PLB1: variants seen among roughly 807,000 people sequenced by gnomAD.
PLB1 encodes phospholipase B1, membrane-associated.
In PLB1, 242 loss-of-function variants were observed where a neutral mutation model predicts 227.4. The ratio of observed to expected loss-of-function variants is 1.06; its 90% confidence interval spans 0.96 to 1.18. The LOEUF is 1.18. PLB1 is among the 50% of genes most tolerant of loss of function. The pLI, the probability that PLB1 is intolerant of heterozygous loss-of-function variation, is 0.00. For missense variants in PLB1, 1,858 were observed against 1,816.3 expected (o/e 1.02, Z -0.42); for synonymous variants, 757 against 682.2 (o/e 1.11, Z -1.71).
At chr2:28,509,636 T>C (rs1273121744) in intron 1 of PLB1, among the ~76,000 whole-genome samples, 1 of 152,206 alleles carries the variant, frequency 6.6e-6, no homozygotes, top group African/African-American at 2.4e-5. Context: ...GTTTTTTTTC[T>C]TGCATTCCCA....
At position 28,525,164 on chromosome 2, in the gene PLB1, C is replaced by CT. The variant is rs570208763; in HGVS notation, c.244-101dup. ...CCAAGCCTGGGCTTGTAGGTTCCCT[C>CT]TTACTGGCAGGAGGGGGAGTTCTGA... On this transcript the variant is annotated intron_variant, in intron 4 of 57. Coordinates refer to ENST00000327757, the MANE Select transcript of PLB1 (RefSeq NM_153021.5). The CT allele has an allele frequency of 3.0e-5, 33 of 1,089,474 alleles. No homozygotes were observed. The African/African-American group carries it at 4.9e-4, about 16-fold the overall frequency. The allele number at this position is 1,089,474 out of a possible 1,614,324, so 67.5% of individuals were successfully genotyped here.
At position 28,525,190 on chromosome 2, in the gene PLB1, C is replaced by T. The variant is rs1229338266; in HGVS notation, c.244-77C>T. 5.0e-6 allele frequency: 7 copies of T among 1,393,688 alleles called. No individual in the cohort carries two copies. The African/African-American group carries it at 8.6e-5, about 17-fold the overall frequency. 86.3% of individuals were successfully genotyped at this position (1,393,688 alleles called of 1,614,324 possible). On this transcript the variant is annotated intron_variant, in intron 4 of 57. Coordinates refer to ENST00000327757, the MANE Select transcript of PLB1 (RefSeq NM_153021.5). ...TTACTGGCAGGAGGGGGAGTTCTGA[C>T]AGGCAGCTTGCGGTCTAACTAGAAG...
At chr2:28,598,523 C>G in intron 34 of PLB1, 129 bp from the exon 35 acceptor site, 1 of 710,398 alleles carries the variant, frequency 1.4e-6, no homozygotes, top group Non-Finnish European at 2.5e-6. Flanking sequence ...CACTGCCTCC[C>G]TGCCTCTCCC....
intron 1 of PLB1, among the ~76,000 whole-genome samples, chr2:28,514,855 A>AT (rs1438572621): frequency 2.0e-5 from 3 of 151,832 alleles, no homozygotes; most frequent in Non-Finnish European, 4.4e-5. Context: ...TTATTTTTTT[A>AT]TTTTTTTAGA....
chr2:28,628,951 A>C, intron 52 of PLB1, 143 bp from the exon 53 acceptor site: 2 of 671,422 alleles, frequency 3.0e-6, no homozygotes, highest in Admixed American at 5.8e-5. Flanking sequence ...ATTCAGTGAG[A>C]TACTACAAGT....
chr2:28,573,252 A>G lies in PLB1; in HGVS notation c.1380A>G (p.Lys460=), dbSNP rs1678322166. 6.2e-7 allele frequency: 1 copy of G among 1,614,178 alleles called. No individual in the cohort carries two copies. The highest frequency in any genetic ancestry group is 8.5e-7 in the Non-Finnish European group (1 of 1,180,022). Residue 460 remains lysine (K), a synonymous_variant, in exon 21 of 58, where the codon AAA becomes AAG. Coordinates refer to ENST00000327757, the MANE Select transcript of PLB1 (RefSeq NM_153021.5). ...AGGGCTTCTCTGTTGGCACTGGGAA[A>G]GAAACCAGTCCTAATGCCTTCTTAA... The part of the protein sequence containing the change: ...SLKGFSVGTG[K]ETSPNAFLNQ...
chr2:28,581,977 A>T, intron 23 of PLB1, 91 bp from the exon 24 acceptor site: 2 of 1,308,522 alleles, frequency 1.5e-6, no homozygotes, highest in South Asian at 2.6e-5. Flanking sequence ...AGAAAAAAAA[A>T]AAAGAAGGGG....
chr2:28,548,335 C>T (rs1333432993), intron 14 of PLB1, among the ~76,000 whole-genome samples: 2 of 152,194 alleles, frequency 1.3e-5, no homozygotes, highest in Non-Finnish European at 2.9e-5. Flanking sequence ...CCTTCCCATA[C>T]TGGCTCTCCT....
intron 9 of PLB1, 150 bp downstream of exon 9, chr2:28,532,344 G>A (rs1186430992): frequency 1.4e-5 from 7 of 504,066 alleles, no homozygotes; most frequent in South Asian, 1.0e-4. Flanking sequence ...ATGGATGGAT[G>A]GATAGATGGA....
intron 17 of PLB1, among the ~76,000 whole-genome samples, chr2:28,559,487 A>G (rs1249747580): frequency 6.6e-6 from 1 of 152,234 alleles, no homozygotes; most frequent in Admixed American, 6.5e-5. Flanking sequence ...CAATGAGAGC[A>G]AATCCTCATT....
intron 23 of PLB1, among the ~76,000 whole-genome samples, 194 bp from the exon 24 acceptor site, chr2:28,581,874 T>C (rs1680074689): frequency 6.6e-6 from 1 of 151,894 alleles, no homozygotes; most frequent in African/African-American, 2.4e-5. Context: ...GGTGGGAGGA[T>C]TGCTTGAGCC....
intron 46 of PLB1, among the ~76,000 whole-genome samples, chr2:28,619,057 C>A (rs72850476): frequency 0.011 from 1,696 of 152,244 alleles, 34 homozygotes; most frequent in African/African-American, 0.039. Context: ...TATTTTTTAA[C>A]TTCTAAGTTC....
At chr2:28,514,032 TATTTA>T (rs1668564838) in intron 1 of PLB1, among the ~76,000 whole-genome samples, 1 of 152,258 alleles carries the variant, frequency 6.6e-6, no homozygotes, top group Non-Finnish European at 1.5e-5. Context: ...ATCTTCTGCT[TATTTA>T]ATTCATTTTT....
At position 28,573,318 on chromosome 2, in the gene PLB1, G is replaced by A. The variant is rs772644188; in HGVS notation, c.1433+13G>A. Reference sequence around the variant, plus strand: ...GAGGCCGAGCTGAGTAAGCAGGGGTGACCGGGGCGGTGAACAGCACAGGTC... The same window carrying A: ...GAGGCCGAGCTGAGTAAGCAGGGGTAACCGGGGCGGTGAACAGCACAGGTC... On this transcript the variant is annotated intron_variant, in intron 21 of 57. Transcript: ENST00000327757. 1.9e-6 allele frequency: 3 copies of A among 1,597,866 alleles called. No homozygotes were observed. The highest frequency in any genetic ancestry group is 2.6e-6 in the Non-Finnish European group (3 of 1,166,030).
chr2:28,566,617 G>A, intron 19 of PLB1, 179 bp from the exon 20 acceptor site: 1 of 619,152 alleles, frequency 1.6e-6, no homozygotes. Context: ...TGGCCTATGG[G>A]GAGGGGAGTC....
At chr2:28,505,739 A>G (rs1308174014) in intron 1 of PLB1, among the ~76,000 whole-genome samples, 1 of 152,212 alleles carries the variant, frequency 6.6e-6, no homozygotes, top group Admixed American at 6.5e-5. Context: ...TTCTAGAAAT[A>G]CAGTCTTTCT....
At chr2:28,585,622 A>G in intron 25 of PLB1, 139 bp from the exon 26 acceptor site, 1 of 723,256 alleles carries the variant, frequency 1.4e-6, no homozygotes, top group Non-Finnish European at 2.4e-6. Context: ...CAGGTCAGCC[A>G]GCCAGGCTCC....
chr2:28,515,158 C>T (rs1668698938), intron 1 of PLB1, among the ~76,000 whole-genome samples: 1 of 152,214 alleles, frequency 6.6e-6, no homozygotes, highest in South Asian at 2.1e-4. Context: ...ACATTTTTAT[C>T]CTGGCTTAGA....
chr2:28,628,080 G>A (rs969753270), intron 51 of PLB1, among the ~76,000 whole-genome samples: 1 of 152,224 alleles, frequency 6.6e-6, no homozygotes, highest in Non-Finnish European at 1.5e-5. Context: ...TGGGGAGATG[G>A]TTCAGAGGAA....
Sources: gnomAD v4.1 joint callset for allele counts (sites outside exome capture counted in the v4.1 genomes callset) on GRCh38, gnomAD v4.1.1 for gene constraint, MANE v1.5 for transcripts, NCBI Gene and HGNC (gene_info 2026-07-23, HGNC 2026-07-21) for gene names.